The following OTUD7B variants were observed in gnomAD, a reference collection of about 807,000 sequenced individuals.
The protein encoded by OTUD7B is OTU deubiquitinase 7B.
In OTUD7B, 34 loss-of-function variants were observed where a neutral mutation model predicts 82.2. That is an observed-to-expected ratio of 0.41 (90% CI 0.31 to 0.55). The LOEUF (loss-of-function observed/expected upper bound fraction) is 0.55, where lower values mean the gene tolerates loss of function less well. Ranked by LOEUF, OTUD7B falls within the 20% of genes least tolerant of loss-of-function variation. OTUD7B has a pLI of 0.20. For synonymous variants in OTUD7B, 398 were observed against 402.7 expected (o/e 0.99, Z 0.14); for missense variants, 944 against 1,062.1 (o/e 0.89, Z 1.55).
chr1:149,983,065 C>A (rs587730022), intron 1 of OTUD7B, among the ~76,000 whole-genome samples: 1 of 152,130 alleles, frequency 6.6e-6, no homozygotes, highest in South Asian at 2.1e-4. Flanking sequence ...CCGTGTTAGC[C>A]AGGATGGTCT....
At chr1:150,008,545 C>T (rs587664820) in intron 1 of OTUD7B, among the ~76,000 whole-genome samples, 1 of 152,278 alleles carries the variant, frequency 6.6e-6, no homozygotes, top group Non-Finnish European at 1.5e-5. Context: ...CCAGCTCTTG[C>T]TTTGGCAAAG....
At chr1:150,031,448 A>T in the OTUD7B span, among the ~76,000 whole-genome samples, 1 of 152,232 alleles carries the variant, frequency 6.6e-6, no homozygotes, top group Non-Finnish European at 1.5e-5. Flanking sequence ...ATTTTCATTA[A>T]TAGAGAACAG....
chr1:150,025,928 T>C, the OTUD7B span, among the ~76,000 whole-genome samples: 484 of 152,326 alleles, frequency 3.2e-3, 2 homozygotes, highest in African/African-American at 0.011. Flanking sequence ...AGAGCTCTGA[T>C]AGTCTGTTTG....
chr1:149,979,616 AATAC>A (rs1193737373), intron 1 of OTUD7B, among the ~76,000 whole-genome samples: 1 of 152,216 alleles, frequency 6.6e-6, no homozygotes, highest in African/African-American at 2.4e-5. Flanking sequence ...AAGAATTACT[AATAC>A]ATAAAGAACT....
rs587664986 is a variant in OTUD7B, at chr1:150,010,501, C to G, written c.-120G>C. 40 of 152,708 alleles carry G rather than the reference C, an allele frequency of 2.6e-4. No homozygotes were observed. Among genetic ancestry groups the G allele is most frequent in the African/African-American group, 9.4e-4 (39 of 41,546 alleles). The allele number at this position is 152,708 out of a possible 1,614,324, so 9.5% of individuals were successfully genotyped here. A position where few individuals can be genotyped will look rare whatever the true frequency, so the allele number is the denominator to read the frequency against. ...GGCCGGGGCGGAGCGCGGGGCCCGG[C>G]CGCCTCTCTTCATTCCTCGGCAGTG... On this transcript the variant is annotated 5_prime_UTR_variant, in exon 1 of 12. Transcript: ENST00000581312.
the OTUD7B span, among the ~76,000 whole-genome samples, chr1:150,035,409 C>G: frequency 6.6e-6 from 1 of 152,254 alleles, no homozygotes; most frequent in East Asian, 1.9e-4. Context: ...GAGAGGGGAA[C>G]ACAGGGTTCA....
At chr1:150,055,040 C>CTTT in the OTUD7B span, 1 of 56,266 alleles carries the variant, frequency 1.8e-5, no homozygotes, top group South Asian at 9.7e-5. Flanking sequence ...TTCTAAATTT[C>CTTT]CTTTTTTTTT....
At chr1:150,043,003 T>C in the OTUD7B span, among the ~76,000 whole-genome samples, 4 of 151,836 alleles carry the variant, frequency 2.6e-5, no homozygotes, top group Admixed American at 2.0e-4. Context: ...AAATTCTTCA[T>C]ATAAAATACA....
chr1:149,992,493 T>TTTTA lies in OTUD7B; in HGVS notation c.-66-14918_-66-14917insTAAA, dbSNP rs1491503489. On this transcript the variant is annotated intron_variant, in intron 1 of 11. Coordinates refer to ENST00000581312, the MANE Select transcript of OTUD7B (RefSeq NM_020205.4). ...TTTTTTTTTTTTTTTTTTTTTTTTT[T>TTTTA]AGTACAGAGTCTCACTCTGTCACCC... 3.6e-3 allele frequency among the ~76,000 whole-genome samples: 10 copies of TTTTA among 2,792 alleles called. 1 individual carries two copies. Among genetic ancestry groups the TTTTA allele is most frequent in the Admixed American group, 0.01 (4 of 398 alleles). 1.8% of individuals were successfully genotyped at this position (2,792 alleles called of 152,430 possible). A position where few individuals can be genotyped will look rare whatever the true frequency, so the allele number is the denominator to read the frequency against.
intron 11 of OTUD7B, among the ~76,000 whole-genome samples, chr1:149,945,906 C>G (rs910040646): frequency 6.6e-6 from 1 of 150,914 alleles, no homozygotes; most frequent in Non-Finnish European, 1.5e-5. Flanking sequence ...ACTAAAAATA[C>G]AAAATTAGCC....
At chr1:149,952,157 G>T (rs191204938) in intron 7 of OTUD7B, among the ~76,000 whole-genome samples, 1 of 151,628 alleles carries the variant, frequency 6.6e-6, no homozygotes, top group East Asian at 1.9e-4. Context: ...CCATTAACTC[G>T]TCATTTACAT....
rs1468308912 is a variant in OTUD7B, at chr1:149,949,919, T to C, written c.974-141A>G. On this transcript the variant is annotated intron_variant, in intron 8 of 11. Coordinates refer to ENST00000581312, the MANE Select transcript of OTUD7B (RefSeq NM_020205.4). ...TTCTTTCCTAAGAAGCCCTGTCAAC[T>C]AATCCCAACTGCTTTACTCAGAATC... The C allele has an allele frequency of 6.4e-6, 8 of 1,258,658 alleles. No individual in the cohort carries two copies. In the Admixed American group the frequency reaches 2.0e-4, roughly 31 times the overall value. The allele number at this position is 1,258,658 out of a possible 1,614,324, so 78.0% of individuals were successfully genotyped here.
At chr1:149,963,549 G>GT (rs1331827329) in intron 6 of OTUD7B, 107 of 8,432 alleles carry the variant, frequency 0.013, no homozygotes, top group East Asian at 0.045. Context: ...TTTTGTTTTT[G>GT]TTTTTTTTTG....
chr1:150,023,686 C>G, the OTUD7B span, among the ~76,000 whole-genome samples: 7 of 152,084 alleles, frequency 4.6e-5, no homozygotes, highest in African/African-American at 1.7e-4. Context: ...TTCAGTTACA[C>G]AAAAAGAGTA....
rs587626577 is a variant in OTUD7B at position 149,941,653 on chromosome 1, A to G, written c.*2204T>C. 1 of 152,344 alleles carries G rather than the reference A, an allele frequency of 6.6e-6. No individual in the cohort carries two copies. Among genetic ancestry groups the G allele is most frequent in the African/African-American group, 2.4e-5 (1 of 41,580 alleles). 9.4% of individuals were successfully genotyped at this position (152,344 alleles called of 1,614,324 possible). Reference sequence around the variant, plus strand: ...TGGACAATGTATCAAAAATTTAAATAAGAAGGATTCATCCCCATACTTATT... The same window carrying G: ...TGGACAATGTATCAAAAATTTAAATGAGAAGGATTCATCCCCATACTTATT... On this transcript the variant is annotated 3_prime_UTR_variant, in exon 12 of 12. Coordinates refer to ENST00000581312, the MANE Select transcript of OTUD7B (RefSeq NM_020205.4).
the OTUD7B span, among the ~76,000 whole-genome samples, chr1:150,030,204 G>T: frequency 2.6e-5 from 4 of 152,026 alleles, no homozygotes; most frequent in African/African-American, 9.7e-5. Flanking sequence ...CCATCACCTT[G>T]CTCCTTCTCA....
chr1:149,971,806 A>C (rs1556934), intron 2 of OTUD7B, among the ~76,000 whole-genome samples: 2,913 of 152,346 alleles, frequency 0.019, 79 homozygotes, highest in African/African-American at 0.064. Context: ...ATTCTACTAA[A>C]GAAATGACCT....
At chr1:149,994,995 A>G (rs1651833038) in intron 1 of OTUD7B, among the ~76,000 whole-genome samples, 1 of 152,172 alleles carries the variant, frequency 6.6e-6, no homozygotes, top group Admixed American at 6.5e-5. Context: ...TGTTTACCTC[A>G]ATCTTTTTCC....
intron 4 of OTUD7B, among the ~76,000 whole-genome samples, chr1:149,966,793 C>G (rs1013437579): frequency 6.6e-6 from 1 of 152,166 alleles, no homozygotes; most frequent in African/African-American, 2.4e-5. Flanking sequence ...TTTCCATGCC[C>G]TCATCTAACT....
Sources: gnomAD v4.1 joint callset for allele counts (sites outside exome capture counted in the v4.1 genomes callset) on GRCh38, gnomAD v4.1.1 for gene constraint, MANE v1.5 for transcripts, NCBI Gene and HGNC (gene_info 2026-07-23, HGNC 2026-07-21) for gene names.